MIDEAS: variants seen among roughly 807,000 people sequenced by gnomAD.
MIDEAS encodes mitotic deacetylase associated SANT domain protein.
In MIDEAS, 26 loss-of-function variants were observed where a neutral mutation model predicts 102.7. That is an observed-to-expected ratio of 0.25 (90% CI 0.19 to 0.35). MIDEAS has a LOEUF of 0.35. Among genes scored for constraint, MIDEAS ranks in the 10% least tolerant of loss-of-function variants. The pLI, the probability that MIDEAS is intolerant of heterozygous loss-of-function variation, is 1.00. For missense variants in MIDEAS, 1,231 were observed against 1,435.6 expected, an observed-to-expected ratio of 0.86 and a Z score of 2.30; for synonymous variants, 585 against 591.0, an observed-to-expected ratio of 0.99 and a Z score of 0.15.
rs1032900999 is a variant in MIDEAS, at chr14:73,742,345, G to A, written c.-247-2090C>T. Among the ~76,000 whole-genome samples, 4 of 151,836 alleles carry A rather than the reference G, an allele frequency of 2.6e-5. No individual in the cohort carries two copies. The highest frequency in any genetic ancestry group is 2.1e-4 in the South Asian group (1 of 4,834). On this transcript the variant is annotated intron_variant, in intron 1 of 12. Coordinates refer to ENST00000423556, the MANE Select transcript of MIDEAS (RefSeq NM_001367710.1). This position sits in a 1 kb window ranked among gnomAD's most constrained non-coding sequence, Gnocchi z 4.4. ...TGGAGCAAGGGAAGGTCCACGTGGC[G>A]GGTGGGCCTGGATGCACGTGCCAGT...
At chr14:73,762,430 A>G (rs948535215), upstream of MIDEAS, among the ~76,000 whole-genome samples, 3 of 152,198 alleles carry the variant, frequency 2.0e-5, no homozygotes, top group African/African-American at 7.2e-5. Flanking sequence ...ACCGCCCTTC[A>G]CTACAGCTAA....
Position 73,742,198 on chromosome 14 carries a change from A to G in MIDEAS, c.-247-1943T>C, listed in dbSNP as rs2053290136. Among the ~76,000 whole-genome samples, 1 of 152,254 alleles carries G rather than the reference A, an allele frequency of 6.6e-6. No individual in the cohort carries two copies. The highest frequency in any genetic ancestry group is 1.5e-5 in the Non-Finnish European group (1 of 68,038). On this transcript the variant is annotated intron_variant, in intron 1 of 12. Transcript: ENST00000423556. The surrounding 1 kb of genome is among the most constrained non-coding windows in gnomAD (Gnocchi z 4.4). ...GACAGAGAAAGGAAGAATGTGCGCC[A>G]GCCTGGCAAGCCCACGTGCCTCCAG...
chr14:73,738,863 C>T lies in MIDEAS; in HGVS notation c.1146G>A (p.Leu382=). The part of the protein sequence containing the change: ...TGNLFLHHWP[L]QQPPPGSLGQ... ...CCAGGGAGCCAGGTGGCGGCTGCTG[C>T]AGGGGCCAGTGATGTAGGAACAGGT... Residue 382 remains leucine, a synonymous_variant, in exon 2 of 13, where the codon CTG becomes CTA. Transcript: ENST00000423556. 6.4e-7 allele frequency: 1 copy of T among 1,571,318 alleles called. No individual in the cohort carries two copies. The highest frequency in any genetic ancestry group is 1.8e-5 in the Admixed American group (1 of 54,430).
intron 11 of MIDEAS, among the ~76,000 whole-genome samples, chr14:73,720,058 C>T (rs918209087): frequency 5.9e-5 from 9 of 151,788 alleles, no homozygotes; most frequent in Non-Finnish European, 8.8e-5. Flanking sequence ...GGGGAAGCCC[C>T]GGGTGGCCAT....
intron 4 of MIDEAS, chr14:73,729,054 G>A (rs75210640): frequency 0.01 from 1,590 of 152,642 alleles, 28 homozygotes; most frequent in African/African-American, 0.036. Context: ...CAGAGGAAAT[G>A]GATCTCTTTA....
At chr14:73,780,003 G>A (rs1156763463) in intron 1 of MIDEAS, among the ~76,000 whole-genome samples, 2 of 150,942 alleles carry the variant, frequency 1.3e-5, no homozygotes, top group Non-Finnish European at 3.0e-5. Flanking sequence ...CTCCCGAGTA[G>A]CTGGGACTAC....
chr14:73,719,036 CCGGCCTAGCCCACCCGGGGGCCCCCAGCG>C (rs2052941193), intron 12 of MIDEAS, 28 bp from the exon 13 acceptor site: 3 of 1,452,928 alleles, frequency 2.1e-6, no homozygotes, highest in Non-Finnish European at 2.7e-6. Context: ...TTGCTCAGAA[CCGGCCTAGCCCACCCGGGGGCCCCCAGCG>C]CGGGTGCGCG....
At chr14:73,771,116 C>A (rs2053638185) in intron 1 of MIDEAS, among the ~76,000 whole-genome samples, 1 of 152,242 alleles carries the variant, frequency 6.6e-6, no homozygotes, top group East Asian at 1.9e-4. Flanking sequence ...GCCTGAGTAC[C>A]CCTAATGAGC....
intron 1 of MIDEAS, among the ~76,000 whole-genome samples, chr14:73,770,942 A>G (rs1266112466): frequency 6.6e-6 from 1 of 152,154 alleles, no homozygotes; most frequent in Non-Finnish European, 1.5e-5. Flanking sequence ...TCACATGACC[A>G]GCAATGATCA....
At chr14:73,747,812 T>A (rs1053933873) in intron 1 of MIDEAS, among the ~76,000 whole-genome samples, 55 of 152,046 alleles carry the variant, frequency 3.6e-4, no homozygotes, top group African/African-American at 1.2e-3. Context: ...ATAGTGAAGT[T>A]TCCCAGGACC....
At chr14:73,778,400 T>C (rs2053711787) in intron 1 of MIDEAS, among the ~76,000 whole-genome samples, 2 of 149,922 alleles carry the variant, frequency 1.3e-5, no homozygotes, top group African/African-American at 4.9e-5. Flanking sequence ...GTCACGACTG[T>C]TGTGGTTACA....
chr14:73,753,183 C>T (rs751771963), intron 1 of MIDEAS, among the ~76,000 whole-genome samples: 4 of 152,206 alleles, frequency 2.6e-5, no homozygotes, highest in Non-Finnish European at 4.4e-5. Flanking sequence ...ACAGAAGGGC[C>T]TCAGGGCTCA....
At chr14:73,749,563 T>A (rs893072617) in intron 1 of MIDEAS, among the ~76,000 whole-genome samples, 2 of 147,746 alleles carry the variant, frequency 1.4e-5, no homozygotes, top group East Asian at 3.9e-4. Context: ...CATACTTTTT[T>A]ATATATTATA....
At chr14:73,752,786 G>A (rs2053436370) in intron 1 of MIDEAS, among the ~76,000 whole-genome samples, 2 of 152,210 alleles carry the variant, frequency 1.3e-5, no homozygotes, top group South Asian at 4.1e-4. Flanking sequence ...AGCTGCTGCA[G>A]GGCCTTTTCT....
At chr14:73,767,594 C>T (rs2053602889) in intron 1 of MIDEAS, among the ~76,000 whole-genome samples, 1 of 151,790 alleles carries the variant, frequency 6.6e-6, no homozygotes, top group Non-Finnish European at 1.5e-5. Flanking sequence ...GCTATGACTG[C>T]ACCACTGCAC....
At chr14:73,767,136 T>C (rs1437857500) in intron 1 of MIDEAS, among the ~76,000 whole-genome samples, 1 of 152,188 alleles carries the variant, frequency 6.6e-6, no homozygotes, top group Non-Finnish European at 1.5e-5. Flanking sequence ...ATTACAGGCG[T>C]GAGCCACCAC....
intron 1 of MIDEAS, among the ~76,000 whole-genome samples, chr14:73,781,754 AAAC>A (rs1448962553): frequency 2.6e-5 from 4 of 151,554 alleles, no homozygotes; most frequent in South Asian, 4.2e-4. Flanking sequence ...AAAAAAAAAA[AAAC>A]TGACTTCAGG....
upstream of MIDEAS, among the ~76,000 whole-genome samples, chr14:73,764,339 C>CAAAAAAAAAAAAAAAAAAAAA (rs5809629): frequency 2.5e-4 from 22 of 88,196 alleles, no homozygotes; most frequent in Non-Finnish European, 3.3e-4. Context: ...GACCCTGTCT[C>CAAAAAAAAAAAAAAAAAAAAA]AAAAAAAAAA....
chr14:73,761,949 C>G (rs2053558636), upstream of MIDEAS, among the ~76,000 whole-genome samples: 1 of 152,244 alleles, frequency 6.6e-6, no homozygotes, highest in African/African-American at 2.4e-5. Flanking sequence ...GACCCCCAAG[C>G]AGAGGCCAGA....
Sources: gnomAD v4.1 joint callset for allele counts (sites outside exome capture counted in the v4.1 genomes callset) on GRCh38, gnomAD v4.1.1 for gene constraint, Gnocchi (gnomAD v3.1) non-coding constraint, MANE v1.5 for transcripts, NCBI Gene and HGNC (gene_info 2026-07-23, HGNC 2026-07-21) for gene names.